RAD51B: variants seen among roughly 807,000 people sequenced by gnomAD.
The protein encoded by RAD51B is RAD51 paralog B, also known as DNA repair protein RAD51 homolog 2.
Under a neutral mutation model 42.2 loss-of-function variants are expected in RAD51B, and 38 were observed. The observed-to-expected ratio is 0.90, with a 90% confidence interval of 0.70 to 1.18. The LOEUF is 1.18. RAD51B is among the 50% of genes most tolerant of loss of function. The pLI is 0.00. For missense variants in RAD51B, 373 were observed against 400.7 expected, an observed-to-expected ratio of 0.93 and a Z score of 0.59; for synonymous variants, 154 against 145.2, an observed-to-expected ratio of 1.06 and a Z score of -0.43.
chr14:68,024,717 GT>G (rs1213436265), intron 7 of RAD51B, among the ~76,000 whole-genome samples: 101 of 152,036 alleles, frequency 6.6e-4, no homozygotes, highest in Non-Finnish European at 4.4e-5. Context: ...TTCTAAAACT[GT>G]TTATTAGCCC....
chr14:68,085,930 A>G (rs576439463), intron 7 of RAD51B, among the ~76,000 whole-genome samples: 43 of 152,254 alleles, frequency 2.8e-4, no homozygotes, highest in African/African-American at 8.7e-4. Flanking sequence ...CTAGGGGTGA[A>G]TGTTTACAGC....
chr14:67,909,292 T>C (rs943135722), intron 7 of RAD51B, among the ~76,000 whole-genome samples: 6 of 152,040 alleles, frequency 3.9e-5, no homozygotes, highest in African/African-American at 1.4e-4. Context: ...TTATAACAAA[T>C]GAAAAGTGGA....
intron 7 of RAD51B, among the ~76,000 whole-genome samples, chr14:68,186,927 C>T (rs574396209): frequency 4.6e-5 from 7 of 152,210 alleles, no homozygotes; most frequent in East Asian, 1.9e-4. Flanking sequence ...ACATGTTCAT[C>T]GCAGCACTAT....
At chr14:68,276,253 A>G (rs2081222239) in intron 7 of RAD51B, among the ~76,000 whole-genome samples, 1 of 152,032 alleles carries the variant, frequency 6.6e-6, no homozygotes, top group Non-Finnish European at 1.5e-5. Context: ...ATAACTCTCA[A>G]TGTCCAAATT....
At chr14:67,855,771 C>G (rs2041977458) in intron 4 of RAD51B, among the ~76,000 whole-genome samples, 2 of 152,182 alleles carry the variant, frequency 1.3e-5, no homozygotes, top group Non-Finnish European at 2.9e-5. Context: ...AAGGTGGATC[C>G]TGTCTTCTTC....
chr14:67,952,819 C>T (rs1255785734), intron 7 of RAD51B, among the ~76,000 whole-genome samples: 1 of 151,708 alleles, frequency 6.6e-6, no homozygotes, highest in East Asian at 1.9e-4. Context: ...TGGCAGAGTG[C>T]AACTTCAGAA....
chr14:68,190,491 T>A (rs2079243701), intron 7 of RAD51B, among the ~76,000 whole-genome samples: 1 of 152,218 alleles, frequency 6.6e-6, no homozygotes, highest in South Asian at 2.1e-4. Flanking sequence ...CTTTTCCTAC[T>A]ATATTCAGTA....
At chr14:68,477,593 A>G in intron 10 of RAD51B, 55 bp from the exon 11 acceptor site, 1 of 1,560,768 alleles carries the variant, frequency 6.4e-7, no homozygotes, top group Non-Finnish European at 8.7e-7. Flanking sequence ...AAGTTAGTGC[A>G]TTTCATAACA....
chr14:68,485,600 T>C (rs1329645598), intron 10 of RAD51B, among the ~76,000 whole-genome samples: 1 of 152,130 alleles, frequency 6.6e-6, no homozygotes, highest in Non-Finnish European at 1.5e-5. Flanking sequence ...ACCAAGCAAG[T>C]GGGAAGATAT....
intron 4 of RAD51B, among the ~76,000 whole-genome samples, chr14:67,844,809 C>T (rs1020442681): frequency 6.6e-6 from 1 of 151,978 alleles, no homozygotes; most frequent in African/African-American, 2.4e-5. Context: ...GTGATGTTCC[C>T]CTTCAAAAAT....
In RAD51B at chr14:68,534,207, G is replaced by C. The variant is rs896574634; in HGVS notation, c.1037-60278G>C. Among the ~76,000 whole-genome samples, 14 of 152,280 alleles carry C rather than the reference G, an allele frequency of 9.2e-5. No homozygotes were observed. In the East Asian group the frequency reaches 1.3e-3, roughly 15 times the overall value. On this transcript the variant is annotated intron_variant, in intron 10 of 10. Transcript: ENST00000487270. ...GTGGTGATGACAAGGCTAGGCTATGGCCATTTTAATGTAGCTGAAGAAAGT... is the reference window on the plus strand; with the variant it reads ...GTGGTGATGACAAGGCTAGGCTATGCCCATTTTAATGTAGCTGAAGAAAGT...
intron 9 of RAD51B, among the ~76,000 whole-genome samples, chr14:68,455,918 CAAT>C (rs1454056797): frequency 6.6e-6 from 1 of 151,940 alleles, no homozygotes; most frequent in African/African-American, 2.4e-5. Flanking sequence ...ATTTGTATGA[CAAT>C]AGTACAAGGA....
At chr14:68,629,960 T>C (rs926045947) in intron 10 of RAD51B, among the ~76,000 whole-genome samples, 3 of 152,248 alleles carry the variant, frequency 2.0e-5, no homozygotes, top group African/African-American at 7.2e-5. Flanking sequence ...CCAAGCCTCC[T>C]GTCCCTATGA....
At chr14:68,459,824 GTCC>G (rs2085798545) in intron 9 of RAD51B, among the ~76,000 whole-genome samples, 1 of 152,168 alleles carries the variant, frequency 6.6e-6, no homozygotes, top group Non-Finnish European at 1.5e-5. Flanking sequence ...CCTACCACCT[GTCC>G]TTACAGGAAG....
At chr14:68,465,948 A>T (rs7149643) in intron 9 of RAD51B, among the ~76,000 whole-genome samples, 33,718 of 90,314 alleles carry the variant, frequency 0.37, 5,220 homozygotes, top group African/African-American at 0.52. Context: ...CTCAAAAAAA[A>T]AAAAAATAAA....
intron 8 of RAD51B, among the ~76,000 whole-genome samples, chr14:68,405,462 T>C (rs907279894): frequency 9.9e-5 from 15 of 152,100 alleles, no homozygotes; most frequent in Admixed American, 9.2e-4. Flanking sequence ...ATTTAAAAAT[T>C]GCCTTTCATT....
chr14:67,958,353 G>A (rs1214206617), intron 7 of RAD51B, among the ~76,000 whole-genome samples: 4 of 152,112 alleles, frequency 2.6e-5, no homozygotes, highest in African/African-American at 9.7e-5. Flanking sequence ...GTTTACTTTT[G>A]AGTGCTTAGC....
chr14:68,440,818 T>C (rs952289383), intron 9 of RAD51B, among the ~76,000 whole-genome samples: 2 of 152,060 alleles, frequency 1.3e-5, no homozygotes, highest in Non-Finnish European at 2.9e-5. Flanking sequence ...ACTCCAGAAA[T>C]TGCTAAATTA....
chr14:68,120,943 T>G (rs550265445), intron 7 of RAD51B, among the ~76,000 whole-genome samples: 2 of 152,148 alleles, frequency 1.3e-5, no homozygotes, highest in South Asian at 4.1e-4. Context: ...AAAAGACATA[T>G]TTTATATTTT....
Sources: gnomAD v4.1 joint callset for allele counts (sites outside exome capture counted in the v4.1 genomes callset) on GRCh38, gnomAD v4.1.1 for gene constraint, MANE v1.5 for transcripts, NCBI Gene and HGNC (gene_info 2026-07-23, HGNC 2026-07-21) for gene names.